Variants in CSMD1 observed in about 807,000 individuals in gnomAD.
The protein encoded by CSMD1 is CUB and Sushi multiple domains 1.
A neutral mutation model predicts 417.5 loss-of-function variants in CSMD1; 213 were observed. The ratio of observed to expected loss-of-function variants is 0.51; its 90% confidence interval spans 0.46 to 0.57. The LOEUF (loss-of-function observed/expected upper bound fraction) is 0.57, where lower values mean the gene tolerates loss of function less well. Among genes scored for constraint, CSMD1 ranks in the 20% least tolerant of loss-of-function variants. The pLI, the probability that CSMD1 is intolerant of heterozygous loss-of-function variation, is 0.00. For missense variants in CSMD1, 6,923 were observed against 4,529.7 expected, an observed-to-expected ratio of 1.53 and a Z score of -15.17; for synonymous variants, 2,862 against 1,736.8, an observed-to-expected ratio of 1.65 and a Z score of -16.11.
At chr8:3,584,531 A>G in intron 9 of CSMD1, among the ~76,000 whole-genome samples, 1 of 131,334 alleles carries the variant, frequency 7.6e-6, no homozygotes, top group East Asian at 2.2e-4. Flanking sequence ...AGTGATAAGC[A>G]CCTCTGAGTG....
intron 20 of CSMD1, among the ~76,000 whole-genome samples, chr8:3,360,404 C>T (rs1412559378): frequency 6.6e-6 from 1 of 152,220 alleles, no homozygotes; most frequent in Admixed American, 6.5e-5. Context: ...CTGTCACCAG[C>T]CTCTTGGTCC....
At chr8:4,006,686 C>A (rs955351339) in intron 4 of CSMD1, among the ~76,000 whole-genome samples, 1 of 152,200 alleles carries the variant, frequency 6.6e-6, no homozygotes, top group Non-Finnish European at 1.5e-5. Flanking sequence ...TCTGCACATG[C>A]AGATGGCAAT....
intron 3 of CSMD1, among the ~76,000 whole-genome samples, chr8:4,150,898 A>T (rs1244843658): frequency 9.3e-5 from 2 of 21,460 alleles, no homozygotes; most frequent in Admixed American, 4.5e-4. Flanking sequence ...CCTGAGAAAG[A>T]GCAATGTTTT....
chr8:4,164,769 G>C (rs1468925878), intron 3 of CSMD1, among the ~76,000 whole-genome samples: 4 of 151,970 alleles, frequency 2.6e-5, no homozygotes, highest in African/African-American at 9.7e-5. Flanking sequence ...CTAGCTACCT[G>C]GGAGGCGGAG....
At chr8:3,076,490 T>C (rs1813698703) in intron 49 of CSMD1, among the ~76,000 whole-genome samples, 1 of 122,340 alleles carries the variant, frequency 8.2e-6, no homozygotes, top group Non-Finnish European at 1.7e-5. Flanking sequence ...TGACACCAAG[T>C]AGCAGGCAGA....
At chr8:4,311,535 C>G (rs908144307) in intron 3 of CSMD1, among the ~76,000 whole-genome samples, 8 of 151,928 alleles carry the variant, frequency 5.3e-5, no homozygotes, top group South Asian at 2.1e-4. Flanking sequence ...CCAGCCTGAC[C>G]AATACGGTGA....
At chr8:3,612,897 A>T (rs1801960047) in intron 8 of CSMD1, among the ~76,000 whole-genome samples, 1 of 152,108 alleles carries the variant, frequency 6.6e-6, no homozygotes, top group Non-Finnish European at 1.5e-5. Context: ...TGGAGCCCAT[A>T]GTAAACAGAG....
At chr8:4,094,817 A>T (rs1800914406) in intron 3 of CSMD1, among the ~76,000 whole-genome samples, 1 of 152,188 alleles carries the variant, frequency 6.6e-6, no homozygotes, top group Non-Finnish European at 1.5e-5. Context: ...CAGGGAGCAA[A>T]CGCTTATCAA....
intron 4 of CSMD1, among the ~76,000 whole-genome samples, chr8:4,030,763 A>T (rs1797301286): frequency 6.6e-6 from 1 of 152,136 alleles, no homozygotes; most frequent in Admixed American, 6.5e-5. Flanking sequence ...TCAGACTGCA[A>T]AGTTCATGAA....
At chr8:3,962,244 C>G (rs750564696) in intron 5 of CSMD1, among the ~76,000 whole-genome samples, 1 of 152,130 alleles carries the variant, frequency 6.6e-6, no homozygotes, top group Non-Finnish European at 1.5e-5. Flanking sequence ...TCTGTTCACT[C>G]CAGATTTGGT....
chr8:3,185,769 G>A (rs1821712820), intron 36 of CSMD1, among the ~76,000 whole-genome samples: 1 of 152,188 alleles, frequency 6.6e-6, no homozygotes, highest in South Asian at 2.1e-4. Flanking sequence ...TTCATAAACT[G>A]TGAGGTAGGT....
rs182921171 is a variant in CSMD1 at position 3,813,841 on chromosome 8, G to C, written c.819-59799C>G. 5.3e-5 allele frequency among the ~76,000 whole-genome samples: 8 copies of C among 152,106 alleles called. No individual in the cohort carries two copies. The East Asian group carries it at 7.7e-4, about 15-fold the overall frequency. On this transcript the variant is annotated intron_variant, in intron 5 of 69. Coordinates refer to ENST00000635120, the MANE Select transcript of CSMD1 (RefSeq NM_033225.6). Reference sequence around the variant, plus strand: ...AGTATGTCTTCTTGAAAGCTTCGAAGTTTATGTTTTCTATCAGACAAGAGA... The same window carrying C: ...AGTATGTCTTCTTGAAAGCTTCGAACTTTATGTTTTCTATCAGACAAGAGA...
intron 8 of CSMD1, among the ~76,000 whole-genome samples, chr8:3,599,124 G>C (rs564400068): frequency 7.9e-6 from 1 of 126,040 alleles, no homozygotes; most frequent in Non-Finnish European, 1.6e-5. Context: ...ATTGCTTACT[G>C]CTGTGTGTGT....
intron 26 of CSMD1, among the ~76,000 whole-genome samples, chr8:3,245,832 CTG>C (rs1799847030): frequency 6.6e-6 from 1 of 152,158 alleles, no homozygotes; most frequent in African/African-American, 2.4e-5. Context: ...GAGAACAAGT[CTG>C]TAATGACTTT....
chr8:4,193,346 C>T (rs940467004), intron 3 of CSMD1, among the ~76,000 whole-genome samples: 1 of 152,008 alleles, frequency 6.6e-6, no homozygotes, highest in Non-Finnish European at 1.5e-5. Context: ...AAAAAAAATA[C>T]TCAATATATA....
chr8:4,978,961 T>G (rs971705263), intron 1 of CSMD1, among the ~76,000 whole-genome samples: 1 of 152,168 alleles, frequency 6.6e-6, no homozygotes, highest in African/African-American at 2.4e-5. Flanking sequence ...TTAGGATCTT[T>G]AGAAAAAATA....
rs369893573 is a variant in CSMD1 at position 3,682,168 on chromosome 8, A to T, written c.1009+26246T>A. Reference sequence around the variant, plus strand: ...TGTCTAAAACACCAAAAGCAATGGCAACAAAAGCCAAAATTGACAAATGGG... The same window carrying T: ...TGTCTAAAACACCAAAAGCAATGGCTACAAAAGCCAAAATTGACAAATGGG... On this transcript the variant is annotated intron_variant, in intron 7 of 69. Coordinates refer to ENST00000635120, the MANE Select transcript of CSMD1 (RefSeq NM_033225.6). Among the ~76,000 whole-genome samples the T allele has an allele frequency of 5.9e-5, 9 of 152,352 alleles. No homozygotes were observed. The East Asian group carries it at 1.5e-3, about 26-fold the overall frequency.
At chr8:3,622,630 G>A (rs1318921203) in intron 7 of CSMD1, among the ~76,000 whole-genome samples, 1 of 152,218 alleles carries the variant, frequency 6.6e-6, no homozygotes, top group African/African-American at 2.4e-5. Context: ...TGAATGGATT[G>A]CAGATGGTAG....
chr8:4,290,207 A>C (rs1797284202), intron 3 of CSMD1, among the ~76,000 whole-genome samples: 1 of 152,108 alleles, frequency 6.6e-6, no homozygotes, highest in South Asian at 2.1e-4. Flanking sequence ...CAAAGGAAAC[A>C]CACTTGTATG....
Sources: gnomAD v4.1 joint callset for allele counts (sites outside exome capture counted in the v4.1 genomes callset) on GRCh38, gnomAD v4.1.1 for gene constraint, MANE v1.5 for transcripts, NCBI Gene and HGNC (gene_info 2026-07-23, HGNC 2026-07-21) for gene names.